The following SEMA4G variants were observed in gnomAD, a reference collection of about 807,000 sequenced individuals.
The protein encoded by SEMA4G is semaphorin 4G.
SEMA4G carries 59 observed loss-of-function variants against 81.2 expected under a neutral mutation model. The observed-to-expected ratio is 0.73, with a 90% CI of 0.59 to 0.90. The LOEUF is 0.90. SEMA4G is among the 40% of genes least tolerant of loss of function. The pLI is 0.00. For synonymous variants in SEMA4G, 404 were observed against 433.9 expected (o/e 0.93, Z 0.86); for missense variants, 952 against 1,102.3 (o/e 0.86, Z 1.93).
At position 100,973,209 on chromosome 10, in the gene SEMA4G, C is replaced by A. The variant is rs1243856800; in HGVS notation, c.205C>A (p.Leu69Met). 1 of 1,613,744 alleles carries A rather than the reference C, an allele frequency of 6.2e-7. No homozygotes were observed. The highest frequency in any genetic ancestry group is 8.5e-7 in the Non-Finnish European group (1 of 1,180,030). ...GCTGGAGGAGGCCTCAGCAAGGCTGCTGGTGGGAGCCCGAGGTGCCCTGTT... is the reference window on the plus strand; with the variant it reads ...GCTGGAGGAGGCCTCAGCAAGGCTGATGGTGGGAGCCCGAGGTGCCCTGTT... Residue 69 changes from leucine to methionine, a missense_variant, in exon 2 of 14, where the codon CTG (leucine) becomes ATG (methionine). Transcript: ENST00000370250. The surrounding 1 kb of genome is among the most constrained non-coding windows in gnomAD (Gnocchi z 5.5).
upstream of SEMA4G, among the ~76,000 whole-genome samples, chr10:100,971,939 G>T (rs1850646156): frequency 1.3e-5 from 2 of 152,192 alleles, no homozygotes; most frequent in South Asian, 4.1e-4. Flanking sequence ...ATGCCTACTT[G>T]CAGATAGGGA....
chr10:100,981,684 T>A, intron 13 of SEMA4G: 2 of 1,057,270 alleles, frequency 1.9e-6, no homozygotes, highest in Non-Finnish European at 2.7e-6. Flanking sequence ...ATTATTATTA[T>A]CCCCATGAGG....
upstream of SEMA4G, among the ~76,000 whole-genome samples, chr10:100,971,532 T>C (rs1850630915): frequency 6.6e-6 from 1 of 152,144 alleles, no homozygotes; most frequent in African/African-American, 2.4e-5. Context: ...TCCTGATTCC[T>C]CCCCTCTTTC....
exon 9 of SEMA4G, chr10:100,979,856 T>C: frequency 6.2e-7 from 1 of 1,613,760 alleles, no homozygotes; most frequent in Admixed American, 1.7e-5. Flanking sequence ...AGGAAGACCC[T>C]GGAGGCCTCA....
At chr10:100,980,955 G>A in exon 12 of SEMA4G, 1 of 1,607,484 alleles carries the variant, frequency 6.2e-7, no homozygotes, top group South Asian at 1.1e-5. Context: ...ACCCATGCCT[G>A]CGCAGCAGCC....
At chr10:100,982,401 T>C (rs1315925431) in intron 13 of SEMA4G, among the ~76,000 whole-genome samples, 1 of 152,198 alleles carries the variant, frequency 6.6e-6, no homozygotes, top group Non-Finnish European at 1.5e-5. Context: ...GAAGAATGGA[T>C]TACATGGGGC....
intron 13 of SEMA4G, 77 bp downstream of exon 14, chr10:100,981,306 G>A (rs1183602339): frequency 6.3e-7 from 1 of 1,597,422 alleles, no homozygotes; most frequent in Non-Finnish European, 8.6e-7. Flanking sequence ...GTACGTATAT[G>A]TTTGTATCTG....
chr10:100,969,720 C>G (rs895017755), upstream of SEMA4G: 8 of 383,160 alleles, frequency 2.1e-5, no homozygotes, highest in African/African-American at 1.0e-4. Flanking sequence ...ACCACCAAGT[C>G]CCCCGGTCCT....
At chr10:100,970,315 C>G (rs565695782), upstream of SEMA4G, among the ~76,000 whole-genome samples, 82 of 152,200 alleles carry the variant, frequency 5.4e-4, no homozygotes, top group African/African-American at 1.9e-3. Context: ...TTAGCCCCGC[C>G]CCCTCCCACA....
intron 10 of SEMA4G, 37 bp from the exon 12 acceptor site, chr10:100,980,541 A>G: frequency 2.6e-6 from 4 of 1,564,750 alleles, no homozygotes; most frequent in African/African-American, 2.7e-5. Flanking sequence ...AGCAGATCCC[A>G]TAGTTGGGGT....
chr10:100,972,809 C>T (rs1850668946), exon 1 of SEMA4G: 4 of 1,305,334 alleles, frequency 3.1e-6, no homozygotes, highest in South Asian at 2.9e-5. Context: ...CAAGTGACTT[C>T]CTTGGACTTT....
rs1225607563 is a variant in SEMA4G at position 100,973,610 on chromosome 10, G to A, written c.336+1G>A. ...TCATCAAAAAGGGAAAAACAACCAGGTATGTGGTCTGCCCTGTCCCCAGCT... is the reference window on the plus strand; with the variant it reads ...TCATCAAAAAGGGAAAAACAACCAGATATGTGGTCTGCCCTGTCCCCAGCT... On this transcript the variant is annotated splice_donor_variant, in intron 3 of 13. Coordinates refer to ENST00000370250, the Ensembl canonical transcript of SEMA4G. LOFTEE classifies it high-confidence loss of function. The surrounding 1 kb of genome is among the most constrained non-coding windows in gnomAD (Gnocchi z 5.5). The A allele has an allele frequency of 6.2e-7, 1 of 1,613,982 alleles. No homozygotes were observed. Among genetic ancestry groups the A allele is most frequent in the Non-Finnish European group, 8.5e-7 (1 of 1,179,924 alleles).
chr10:100,975,166 C>G, intron 3 of SEMA4G: 1 of 418,432 alleles, frequency 2.4e-6, no homozygotes, highest in South Asian at 1.9e-5. Flanking sequence ...TATTCTGTGA[C>G]AGTGAACACC....
chr10:100,984,545 T>C (rs1309192746), exon 14 of SEMA4G: 1 of 1,536,182 alleles, frequency 6.5e-7, no homozygotes, highest in Non-Finnish European at 8.7e-7. Context: ...CATGGCCCTG[T>C]GTGCTGGATG....
Position 100,979,845 on chromosome 10 carries a change from T to C in SEMA4G, c.984-3T>C, listed in dbSNP as rs1236628183. 6.2e-6 allele frequency: 10 copies of C among 1,613,082 alleles called. No homozygotes were observed. The highest frequency in any genetic ancestry group is 8.5e-6 in the Non-Finnish European group (10 of 1,179,876). On this transcript the variant is annotated splice_region_variant and splice_polypyrimidine_tract_variant and intron_variant, in intron 8 of 13. Transcript: ENST00000370250. ...ACCCCCCTTGCCCTATGTCCCATTCTAGGAAGACCCTGGAGGCCTCAGCCA... is the reference window on the plus strand; with the variant it reads ...ACCCCCCTTGCCCTATGTCCCATTCCAGGAAGACCCTGGAGGCCTCAGCCA...
At chr10:100,981,137 C>T (rs1329662978) in intron 12 of SEMA4G, 31 bp from the exon 14 acceptor site, 2 of 1,613,366 alleles carry the variant, frequency 1.2e-6, no homozygotes, top group Non-Finnish European at 1.7e-6. Flanking sequence ...CCCAGTTCCC[C>T]TTGTTCATAA....
At chr10:100,977,760 T>TG (rs1313435406) in intron 4 of SEMA4G, 30 bp downstream of exon 5, 32 of 1,541,062 alleles carry the variant, frequency 2.1e-5, no homozygotes, top group Non-Finnish European at 2.9e-5. Flanking sequence ...GCCAGATCTC[T>TG]GTTGACTTCA....
chr10:100,972,606 A>G (rs1213813489), exon 1 of SEMA4G: 2 of 322,684 alleles, frequency 6.2e-6, no homozygotes, highest in Non-Finnish European at 1.1e-5. Context: ...CAACCCCTCT[A>G]GAACTTCACA....
Position 100,979,950 on chromosome 10 carries a change from G to A in SEMA4G, c.1086G>A (p.Trp362Ter), listed in dbSNP as rs776474084. 2 of 1,614,080 alleles carry A rather than the reference G, an allele frequency of 1.2e-6. No homozygotes were observed. The highest frequency in any genetic ancestry group is 1.7e-6 in the Non-Finnish European group (2 of 1,180,008). Residue 362 changes from tryptophan to a stop codon, truncating the protein, a stop_gained, in exon 9 of 14, where the codon TGG becomes TGA. Coordinates refer to ENST00000370250, the Ensembl canonical transcript of SEMA4G. LOFTEE classifies it high-confidence loss of function. ...AATACCAGGATGGTTCCCGGCGCTG[G>A]GGTCGCTATGAGGGTGGGGTGCCTG...
Sources: gnomAD v4.1 joint callset for allele counts (sites outside exome capture counted in the v4.1 genomes callset) on GRCh38, gnomAD v4.1.1 for gene constraint, Gnocchi (gnomAD v3.1) non-coding constraint, MANE v1.5 for transcripts, NCBI Gene and HGNC (gene_info 2026-07-23, HGNC 2026-07-21) for gene names.